The following NRXN1 variants were observed in gnomAD, a reference collection of about 807,000 sequenced individuals.
NRXN1 encodes the protein neurexin-1.
A neutral mutation model predicts 150.9 loss-of-function variants in NRXN1; 39 were observed. That is an observed-to-expected ratio of 0.26 (90% CI 0.20 to 0.34). NRXN1 has a LOEUF of 0.34. NRXN1 is among the 10% of genes least tolerant of loss of function. The pLI is 1.00. For synonymous variants in NRXN1, 924 were observed against 757.0 expected (o/e 1.22, Z -3.62); for missense variants, 1,815 against 1,949.9 (o/e 0.93, Z 1.30).
intron 5 of NRXN1, among the ~76,000 whole-genome samples, chr2:50,872,823 C>T (rs1677988173): frequency 6.6e-6 from 1 of 151,590 alleles, no homozygotes. Flanking sequence ...AATTAATTAG[C>T]TGGGTGTGGT....
At position 50,255,489 on chromosome 2, in the gene NRXN1, T is replaced by C. The variant is rs549275842; in HGVS notation, c.3365-18519A>G. On this transcript the variant is annotated intron_variant, in intron 17 of 22. Transcript: ENST00000401669. ...TTTGTATTTGGTTCAAAAAATTCTATCTTTCTAGACTAAAATTACAAGGTG... is the reference window on the plus strand; with the variant it reads ...TTTGTATTTGGTTCAAAAAATTCTACCTTTCTAGACTAAAATTACAAGGTG... Among the ~76,000 whole-genome samples, 14 of 152,314 alleles carry C rather than the reference T, an allele frequency of 9.2e-5. 1 individual carries two copies. In the East Asian group the frequency reaches 2.7e-3, roughly 29 times the overall value.
chr2:50,475,519 C>T (rs1050371185), intron 15 of NRXN1, among the ~76,000 whole-genome samples: 2 of 152,078 alleles, frequency 1.3e-5, no homozygotes, highest in Non-Finnish European at 2.9e-5. Flanking sequence ...ACTTACTTGC[C>T]TGACAACATT....
chr2:50,025,376 T>C (rs887352005), intron 21 of NRXN1, among the ~76,000 whole-genome samples: 5 of 152,128 alleles, frequency 3.3e-5, no homozygotes, highest in Non-Finnish European at 5.9e-5. Context: ...GTAAGAAGAC[T>C]GGCTTATACG....
At chr2:50,774,727 T>C (rs956629878) in intron 5 of NRXN1, among the ~76,000 whole-genome samples, 1 of 152,158 alleles carries the variant, frequency 6.6e-6, no homozygotes, top group African/African-American at 2.4e-5. Context: ...TTTCAATGAC[T>C]CAAGTTCTAG....
At chr2:49,979,895 T>C (rs971184302) in intron 21 of NRXN1, among the ~76,000 whole-genome samples, 3 of 112,152 alleles carry the variant, frequency 2.7e-5, no homozygotes, top group African/African-American at 9.1e-5. Flanking sequence ...TAGTCTTATA[T>C]TGTTTTTTTG....
chr2:50,076,146 T>C (rs979811619), intron 19 of NRXN1, among the ~76,000 whole-genome samples: 2 of 152,166 alleles, frequency 1.3e-5, no homozygotes, highest in Non-Finnish European at 2.9e-5. Context: ...CTTCATAGTG[T>C]TTTGCTTGGA....
At chr2:50,565,908 T>G (rs1170777529) in intron 8 of NRXN1, among the ~76,000 whole-genome samples, 1 of 152,180 alleles carries the variant, frequency 6.6e-6, no homozygotes, top group East Asian at 1.9e-4. Flanking sequence ...TGTTCTTGAT[T>G]TCTCCTCTCC....
intron 17 of NRXN1, among the ~76,000 whole-genome samples, chr2:50,380,148 T>A (rs1302949099): frequency 6.6e-6 from 1 of 152,110 alleles, no homozygotes; most frequent in Non-Finnish European, 1.5e-5. Context: ...CTCTTTTTAA[T>A]CTTAGACATT....
At chr2:50,466,543 C>T in intron 16 of NRXN1, 2 of 455,182 alleles carry the variant, frequency 4.4e-6, no homozygotes, top group Non-Finnish European at 4.4e-6. Flanking sequence ...GTAAGCAATA[C>T]TGAAATGGGG....
chr2:49,924,981 T>C (rs1668835541), intron 22 of NRXN1, among the ~76,000 whole-genome samples: 1 of 152,048 alleles, frequency 6.6e-6, no homozygotes, highest in African/African-American at 2.4e-5. Flanking sequence ...TCTTAACTTT[T>C]CTTCTGAGAC....
At chr2:50,043,637 C>G (rs1290694084) in intron 21 of NRXN1, among the ~76,000 whole-genome samples, 1 of 152,128 alleles carries the variant, frequency 6.6e-6, no homozygotes, top group Admixed American at 6.6e-5. Context: ...TCAGGGACAG[C>G]TGATGCAAAG....
chr2:50,637,175 A>C (rs1406064879), intron 5 of NRXN1, among the ~76,000 whole-genome samples: 1 of 152,146 alleles, frequency 6.6e-6, no homozygotes, highest in Admixed American at 6.5e-5. Context: ...TCAGATTTTT[A>C]AAAAATTAAG....
chr2:50,698,158 C>T (rs531864619), intron 5 of NRXN1, among the ~76,000 whole-genome samples: 15 of 152,338 alleles, frequency 9.8e-5, no homozygotes, highest in East Asian at 1.9e-4. Context: ...ACTTCCCACC[C>T]GTACAGCAGT....
At chr2:50,493,156 G>T (rs903137975) in intron 15 of NRXN1, among the ~76,000 whole-genome samples, 1 of 152,132 alleles carries the variant, frequency 6.6e-6, no homozygotes, top group African/African-American at 2.4e-5. Flanking sequence ...ACCAAAACAG[G>T]TCAACTTTCA....
rs143287485 is a variant in NRXN1 at position 50,886,039 on chromosome 2, T to C, written c.832+35830A>G. On this transcript the variant is annotated intron_variant, in intron 5 of 22. Coordinates refer to ENST00000401669, the MANE Select transcript of NRXN1 (RefSeq NM_001330078.2). ...TTTGAATGAGCTTTTGGTTTTTTGG[T>C]TTAACTAATACAGAGATTTTTATTT... 2.2e-3 allele frequency among the ~76,000 whole-genome samples: 339 copies of C among 151,556 alleles called. 4 individuals carry two copies. Among genetic ancestry groups the C allele is most frequent in the African/African-American group, 7.9e-3 (326 of 41,496 alleles).
chr2:50,301,955 TC>T (rs1396232307), intron 17 of NRXN1, among the ~76,000 whole-genome samples: 1 of 152,158 alleles, frequency 6.6e-6, no homozygotes, highest in African/African-American at 2.4e-5. Context: ...TTTGTGTTCT[TC>T]CCTTAACTAA....
At chr2:50,920,129 T>C (rs1433110304) in intron 5 of NRXN1, 1 of 185,794 alleles carries the variant, frequency 5.4e-6, no homozygotes, top group African/African-American at 2.4e-5. Flanking sequence ...TCTCTCTCCA[T>C]TTAACAGCAA....
intron 17 of NRXN1, among the ~76,000 whole-genome samples, chr2:50,307,666 T>C (rs985682785): frequency 6.6e-6 from 1 of 152,174 alleles, no homozygotes; most frequent in Non-Finnish European, 1.5e-5. Flanking sequence ...GCCTTGTCTA[T>C]GTAAAAACAC....
chr2:50,789,578 T>C (rs1263858986), intron 5 of NRXN1, among the ~76,000 whole-genome samples: 8 of 152,236 alleles, frequency 5.3e-5, no homozygotes, highest in East Asian at 1.9e-4. Flanking sequence ...GCAATGTTAA[T>C]GAACGGAAGC....
Sources: allele counts gnomAD v4.1 joint callset (sites outside exome capture counted in the v4.1 genomes callset), GRCh38; gene constraint gnomAD v4.1.1; transcripts MANE v1.5; gene names NCBI Gene and HGNC (gene_info 2026-07-23, HGNC 2026-07-21).